ESRRB: variants seen among roughly 807,000 people sequenced by gnomAD.
The protein encoded by ESRRB is estrogen related receptor beta.
A neutral mutation model predicts 46.0 loss-of-function variants in ESRRB; 16 were observed. The ratio of observed to expected loss-of-function variants is 0.35; its 90% CI spans 0.24 to 0.53. The LOEUF (loss-of-function observed/expected upper bound fraction) is 0.53. Ranked by LOEUF, ESRRB falls within the 20% of genes least tolerant of loss-of-function variation. The probability of loss-of-function intolerance (pLI) is 0.93; values close to 1 mark genes in which losing one functional copy is unlikely to be tolerated. For synonymous variants in ESRRB, 246 were observed against 259.6 expected (o/e 0.95, Z 0.50); for missense variants, 488 against 607.4 (o/e 0.80, Z 2.07).
upstream of ESRRB, among the ~76,000 whole-genome samples, chr14:76,372,005 C>T (rs1246114780): frequency 2.0e-5 from 3 of 152,116 alleles, no homozygotes; most frequent in South Asian, 4.1e-4. Flanking sequence ...GAAGATACTA[C>T]CAAGACTGGA....
intron 1 of ESRRB, among the ~76,000 whole-genome samples, chr14:76,400,847 G>T (rs1885910157): frequency 6.6e-6 from 1 of 152,222 alleles, no homozygotes; most frequent in African/African-American, 2.4e-5. Flanking sequence ...TCCCATTGGT[G>T]CTCTGCTCTT....
At chr14:76,478,371 C>T (rs1889664889) in intron 3 of ESRRB, among the ~76,000 whole-genome samples, 1 of 152,118 alleles carries the variant, frequency 6.6e-6, no homozygotes, top group Admixed American at 6.6e-5. Flanking sequence ...CACAGAACAT[C>T]CCAGATGGAG....
chr14:76,389,576 G>A (rs192075364), intron 1 of ESRRB, among the ~76,000 whole-genome samples: 2 of 152,270 alleles, frequency 1.3e-5, no homozygotes, highest in African/African-American at 2.4e-5. Flanking sequence ...GGCAGCTCTG[G>A]CTTGGGGAGC....
At chr14:76,414,414 A>G (rs1886600908) in intron 1 of ESRRB, among the ~76,000 whole-genome samples, 1 of 151,132 alleles carries the variant, frequency 6.6e-6, no homozygotes. Flanking sequence ...CGGTACTTAG[A>G]GCAGTGCCTG....
rs144480149 is a variant in ESRRB, at chr14:76,463,278, G to A, written c.577+617G>A. 15 of 171,004 alleles carry A rather than the reference G, an allele frequency of 8.8e-5. No homozygotes were observed. The East Asian group carries it at 2.3e-3, about 26-fold the overall frequency. 10.6% of individuals were successfully genotyped at this position (171,004 alleles called of 1,614,324 possible). A position where few individuals can be genotyped will look rare whatever the true frequency, so the allele number is the denominator to read the frequency against. On this transcript the variant is annotated intron_variant, in intron 3 of 6. Coordinates refer to ENST00000644823, the MANE Select transcript of ESRRB (RefSeq NM_001379180.1). ...CCCGAGTGCTGGTCCAAACAGAGGT[G>A]TGCTGAGTGTACAACACATGCCTGC...
At chr14:76,480,658 G>A (rs1156677777) in intron 3 of ESRRB, among the ~76,000 whole-genome samples, 1 of 152,064 alleles carries the variant, frequency 6.6e-6, no homozygotes, top group Non-Finnish European at 1.5e-5. Context: ...CTGAATCCGG[G>A]GGACTGGCAG....
intron 1 of ESRRB, among the ~76,000 whole-genome samples, chr14:76,386,248 A>G (rs1885222774): frequency 1.3e-5 from 2 of 152,330 alleles, no homozygotes; most frequent in Non-Finnish European, 2.9e-5. Flanking sequence ...CCAGTAAAAT[A>G]CAGGATACCC....
rs879637671 is a variant in ESRRB at position 76,376,966 on chromosome 14, C to G, written c.50+515C>G. On this transcript the variant is annotated intron_variant, in intron 1 of 6. Transcript: ENST00000644823. This position sits in a 1 kb window ranked among gnomAD's most constrained non-coding sequence, Gnocchi z 4.1. ...TTTGGAAACTGCAGGCGGCCAGTGCCGCTCTCGCCTCGCGGTCTCCGTGGG... is the reference window on the plus strand; with the variant it reads ...TTTGGAAACTGCAGGCGGCCAGTGCGGCTCTCGCCTCGCGGTCTCCGTGGG... Among the ~76,000 whole-genome samples, 12 of 152,214 alleles carry G rather than the reference C, an allele frequency of 7.9e-5. No homozygotes were observed. The highest frequency in any genetic ancestry group is 1.5e-4 in the Non-Finnish European group (10 of 68,034).
chr14:76,398,338 C>T (rs1885787394), intron 1 of ESRRB, among the ~76,000 whole-genome samples: 1 of 152,306 alleles, frequency 6.6e-6, no homozygotes, highest in African/African-American at 2.4e-5. Flanking sequence ...CATAGACCCA[C>T]CTCCAAAGTC....
At chr14:76,432,711 T>C (rs1479152674) in intron 1 of ESRRB, among the ~76,000 whole-genome samples, 2 of 118,796 alleles carry the variant, frequency 1.7e-5, no homozygotes, top group African/African-American at 7.9e-5. Flanking sequence ...TGTCTCGCCC[T>C]GTCACCCAGG....
chr14:76,420,462 T>A (rs1042200347), intron 1 of ESRRB, among the ~76,000 whole-genome samples: 1 of 152,170 alleles, frequency 6.6e-6, no homozygotes, highest in African/African-American at 2.4e-5. Flanking sequence ...AAACTTGAAA[T>A]GTAAACTACA....
At chr14:76,489,480 C>CACA (rs1890138576) in intron 5 of ESRRB, among the ~76,000 whole-genome samples, 1 of 150,704 alleles carries the variant, frequency 6.6e-6, no homozygotes, top group Non-Finnish European at 1.5e-5. Flanking sequence ...CACACACACA[C>CACA]CCTGATCCCC....
At chr14:76,426,695 C>T (rs1887216450) in intron 1 of ESRRB, among the ~76,000 whole-genome samples, 1 of 152,006 alleles carries the variant, frequency 6.6e-6, no homozygotes. Flanking sequence ...CAACATATTC[C>T]CAGAGCTGCA....
At chr14:76,355,788 C>A (rs1032309875) in intron 1 of ESRRB, among the ~76,000 whole-genome samples, 1 of 152,150 alleles carries the variant, frequency 6.6e-6, no homozygotes, top group African/African-American at 2.4e-5. Context: ...GGGAATCATT[C>A]GATGTTAGTT....
chr14:76,438,612 C>T (rs945509625), intron 1 of ESRRB, among the ~76,000 whole-genome samples: 1 of 150,824 alleles, frequency 6.6e-6, no homozygotes, highest in African/African-American at 2.4e-5. Context: ...TGCAGTAAGC[C>T]GAGATTGGGC....
chr14:76,380,249 G>T (rs1884955136), intron 1 of ESRRB, among the ~76,000 whole-genome samples: 1 of 152,192 alleles, frequency 6.6e-6, no homozygotes. Context: ...TGATGGGCCG[G>T]AGGAAGGATG....
intron 3 of ESRRB, 88 bp from the exon 4 acceptor site, chr14:76,481,928 C>A: frequency 7.9e-7 from 1 of 1,265,784 alleles, no homozygotes; most frequent in Non-Finnish European, 1.1e-6. Flanking sequence ...CCTGAAGGAC[C>A]CAGCCAGTGC....
chr14:76,437,455 T>C (rs562088783), intron 1 of ESRRB, among the ~76,000 whole-genome samples: 3 of 152,292 alleles, frequency 2.0e-5, no homozygotes, highest in South Asian at 4.1e-4. Context: ...AAGATGCAAG[T>C]GGGCTCTGTG....
At chr14:76,325,028 A>G (rs924177666) in intron 1 of ESRRB, among the ~76,000 whole-genome samples, 1 of 141,096 alleles carries the variant, frequency 7.1e-6, no homozygotes, top group Non-Finnish European at 1.5e-5. Context: ...GCAGTGGCTC[A>G]ATCTTGGCTC....
Sources: allele counts gnomAD v4.1 joint callset (sites outside exome capture counted in the v4.1 genomes callset), GRCh38; gene constraint gnomAD v4.1.1; non-coding constraint Gnocchi (gnomAD v3.1); transcripts MANE v1.5; gene names NCBI Gene and HGNC (gene_info 2026-07-23, HGNC 2026-07-21).